Variants in SLC44A5 observed in about 807,000 individuals in gnomAD.
The protein encoded by SLC44A5 is choline transporter-like protein 5.
Under a neutral mutation model 101.8 loss-of-function variants are expected in SLC44A5, and 57 were observed. That is an observed-to-expected ratio of 0.56 (90% CI 0.45 to 0.70). SLC44A5 has a LOEUF of 0.70. SLC44A5 is among the 30% of genes least tolerant of loss of function. SLC44A5 has a pLI of 0.00. For synonymous variants in SLC44A5, 281 were observed against 290.9 expected (o/e 0.97, Z 0.35); for missense variants, 737 against 853.1 (o/e 0.86, Z 1.70).
chr1:75,387,327 T>C (rs1465643215), intron 3 of SLC44A5, among the ~76,000 whole-genome samples: 11 of 145,400 alleles, frequency 7.6e-5, no homozygotes, highest in Admixed American at 1.4e-4. Context: ...AAAGGGCTAA[T>C]ATCCAGAATC....
At chr1:75,551,108 T>G (rs1671912314) in intron 1 of SLC44A5, among the ~76,000 whole-genome samples, 1 of 152,132 alleles carries the variant, frequency 6.6e-6, no homozygotes, top group Non-Finnish European at 1.5e-5. Flanking sequence ...TTTTAATTAC[T>G]ATACTTATTC....
chr1:75,534,301 G>T (rs1054794954), intron 2 of SLC44A5, among the ~76,000 whole-genome samples: 8 of 152,108 alleles, frequency 5.3e-5, no homozygotes, highest in Non-Finnish European at 1.5e-5. Flanking sequence ...ATAAAGCCGG[G>T]CTCCATTTGT....
At chr1:75,217,818 C>A in intron 18 of SLC44A5, 48 bp downstream of exon 18, 1 of 1,265,612 alleles carries the variant, frequency 7.9e-7, no homozygotes. Context: ...CCCCAACCCC[C>A]AACCCAATTT....
chr1:75,317,697 T>G (rs527715480), intron 4 of SLC44A5, among the ~76,000 whole-genome samples: 9 of 152,260 alleles, frequency 5.9e-5, no homozygotes, highest in African/African-American at 1.9e-4. Context: ...CTGAGATCAG[T>G]GTGCCTGCAT....
intron 1 of SLC44A5, among the ~76,000 whole-genome samples, chr1:75,541,873 T>C (rs1394677823): frequency 6.6e-6 from 1 of 152,212 alleles, no homozygotes; most frequent in East Asian, 1.9e-4. Flanking sequence ...ATTTAGCATT[T>C]ACATTTATGT....
At chr1:75,412,756 G>A (rs534611146) in intron 2 of SLC44A5, among the ~76,000 whole-genome samples, 84 of 152,076 alleles carry the variant, frequency 5.5e-4, no homozygotes, top group Non-Finnish European at 8.5e-4. Context: ...AAAACCTCAC[G>A]CTGCCCTGTT....
chr1:75,688,754 TC>T, the SLC44A5 span, among the ~76,000 whole-genome samples: 1 of 152,096 alleles, frequency 6.6e-6, no homozygotes, highest in African/African-American at 2.4e-5. Context: ...AGTGTCAGTA[TC>T]CCCTCAAACC....
At chr1:75,554,178 A>C (rs1672093402) in intron 1 of SLC44A5, among the ~76,000 whole-genome samples, 1 of 152,122 alleles carries the variant, frequency 6.6e-6, no homozygotes, top group Non-Finnish European at 1.5e-5. Flanking sequence ...AAATTATTAA[A>C]AGTAATTGAA....
the SLC44A5 span, among the ~76,000 whole-genome samples, chr1:75,682,500 G>C: frequency 6.6e-5 from 10 of 151,838 alleles, no homozygotes; most frequent in African/African-American, 2.4e-4. Flanking sequence ...AACAAGCAAT[G>C]GGGAAAGGAT....
At chr1:75,402,465 T>G in intron 2 of SLC44A5, 1 of 394,592 alleles carries the variant, frequency 2.5e-6, no homozygotes, top group Middle Eastern at 3.8e-4. Flanking sequence ...GCAGGTGATT[T>G]CTGCATTTTG....
At chr1:75,621,952 C>T in the SLC44A5 span, among the ~76,000 whole-genome samples, 1 of 152,126 alleles carries the variant, frequency 6.6e-6, no homozygotes, top group Non-Finnish European at 1.5e-5. Context: ...CCATGCCACA[C>T]ACCATTATGT....
chr1:75,705,912 A>AGTTTG, the SLC44A5 span, among the ~76,000 whole-genome samples: 1 of 152,192 alleles, frequency 6.6e-6, no homozygotes, highest in African/African-American at 2.4e-5. Context: ...TTCTGGCCTC[A>AGTTTG]AGTAATCCTC....
the SLC44A5 span, among the ~76,000 whole-genome samples, chr1:75,706,968 C>T: frequency 6.6e-6 from 1 of 152,184 alleles, no homozygotes; most frequent in Non-Finnish European, 1.5e-5. Flanking sequence ...CTTCTAAGAC[C>T]CATTAAAGAA....
chr1:75,596,200 ATG>A (rs71745575), intron 1 of SLC44A5, among the ~76,000 whole-genome samples: 51,319 of 141,148 alleles, frequency 0.36, 8,958 homozygotes, highest in Non-Finnish European at 0.41. Context: ...TAGTAGACAC[ATG>A]CACACACACA....
the SLC44A5 span, chr1:75,641,332 C>G: frequency 5.7e-6 from 4 of 702,386 alleles, no homozygotes; most frequent in Non-Finnish European, 1.0e-5. Flanking sequence ...TGGTGCAAAA[C>G]ATGAGGAATC....
chr1:75,641,976 A>AATCATCTTCCTCCTC, the SLC44A5 span: 3 of 1,570,216 alleles, frequency 1.9e-6, no homozygotes, highest in Admixed American at 5.1e-5. Context: ...TCTGGTGGAG[A>AATCATCTTCCTCCTC]ATCATCTTCC....
At chr1:75,308,485 G>A (rs545323362) in intron 4 of SLC44A5, among the ~76,000 whole-genome samples, 3 of 152,078 alleles carry the variant, frequency 2.0e-5, no homozygotes, top group East Asian at 3.9e-4. Context: ...TTGGTTTTAC[G>A]ATGTAATTAT....
At chr1:75,648,058 G>C in the SLC44A5 span, among the ~76,000 whole-genome samples, 2 of 152,202 alleles carry the variant, frequency 1.3e-5, no homozygotes, top group Non-Finnish European at 2.9e-5. Flanking sequence ...ATCTCATCTT[G>C]AATTGTAATC....
At chr1:75,566,958 A>T (rs1230252653) in intron 1 of SLC44A5, among the ~76,000 whole-genome samples, 2 of 152,306 alleles carry the variant, frequency 1.3e-5, no homozygotes, top group Admixed American at 1.3e-4. Context: ...TCTGGATTTC[A>T]TTGTCTGACT....
Sources: allele counts gnomAD v4.1 joint callset (sites outside exome capture counted in the v4.1 genomes callset), GRCh38; gene constraint gnomAD v4.1.1; transcripts MANE v1.5; gene names NCBI Gene and HGNC (gene_info 2026-07-23, HGNC 2026-07-21).